Variants in AFP observed in about 807,000 individuals in gnomAD.
AFP encodes the protein alpha fetoprotein.
A neutral mutation model predicts 78.9 loss-of-function variants in AFP; 64 were observed. The observed-to-expected ratio is 0.81, with a 90% CI of 0.66 to 1.00. AFP has a LOEUF of 1.00. Ranked by LOEUF, AFP falls within the 50% of genes least tolerant of loss-of-function variation. AFP has a pLI of 0.00. For synonymous variants in AFP, 254 were observed against 243.8 expected (o/e 1.04, Z -0.39); for missense variants, 689 against 703.8 (o/e 0.98, Z 0.24).
intron 8 of AFP, among the ~76,000 whole-genome samples, chr4:73,449,001 A>C (rs1331490755): frequency 6.6e-6 from 1 of 152,138 alleles, no homozygotes; most frequent in Admixed American, 6.5e-5. Flanking sequence ...TTTATCTTAG[A>C]CATCATTGAG....
At chr4:73,445,192 G>A (rs1056035614) in intron 7 of AFP, 70 bp downstream of exon 7, 1 of 1,588,030 alleles carries the variant, frequency 6.3e-7, no homozygotes, top group Non-Finnish European at 8.6e-7. Context: ...CATTCTAAAA[G>A]GGAGAAGGTT....
In AFP at chr4:73,438,256, A is replaced by G. The variant is rs756096253; in HGVS notation, c.220A>G (p.Ile74Val). The change falls in exon 3 of 15, where the codon ATT becomes GTT. Residue 74 changes from isoleucine to valine, a missense_variant. By Grantham distance (29) the Ile-to-Val change is conservative. Transcript: ENST00000395792. ...AATGGTGAAAGATGCATTGACTGCA[A>G]TTGAGAAACCCACTGGAGATGAACA... is the stretch of plus-strand genomic sequence containing the variant. ...SKMVKDALTA[I>V]EKPTGDEQSS... 4 of 1,613,470 alleles carry G rather than the reference A, an allele frequency of 2.5e-6. No homozygotes were observed. The highest frequency in any genetic ancestry group is 2.2e-5 in the South Asian group (2 of 91,052).
At chr4:73,453,707 A>G (rs1420603540) in intron 12 of AFP, 58 bp from the exon 13 acceptor site, 2 of 1,593,978 alleles carry the variant, frequency 1.3e-6, no homozygotes, top group Non-Finnish European at 1.7e-6. Context: ...GGAAGGCTGT[A>G]GAAAAATAGC....
intron 5 of AFP, among the ~76,000 whole-genome samples, chr4:73,442,866 G>A (rs944322818): frequency 7.9e-5 from 12 of 152,120 alleles, no homozygotes; most frequent in Non-Finnish European, 1.8e-4. Flanking sequence ...AACTAGGAAA[G>A]AGGTTTAGAG....
Position 73,450,736 on chromosome 4 carries a change from G to T in AFP, c.1411G>T (p.Ala471Ser). 6.2e-7 allele frequency: 1 copy of T among 1,614,156 alleles called. No individual in the cohort carries two copies. ...CCAACTCAGTGAGGACAAACTATTG[G>T]CCTGTGGCGAGGGAGCGGTGAGTGT... ...CCQLSEDKLL[A>S]CGEGAADIII... Residue 471 changes from alanine (A) to serine (S), a missense_variant, in exon 11 of 15, where the codon GCC becomes TCC. Coordinates refer to ENST00000395792, the MANE Select transcript of AFP (RefSeq NM_001134.3).
chr4:73,442,053 A>G (rs1229294688), intron 4 of AFP, among the ~76,000 whole-genome samples: 1 of 152,180 alleles, frequency 6.6e-6, no homozygotes, highest in African/African-American at 2.4e-5. Flanking sequence ...TTTTCTTCTC[A>G]TAATAGAATC....
chr4:73,442,424 C>T lies in AFP; in HGVS notation c.611C>T (p.Thr204Ile). Residue 204 changes from threonine to isoleucine, a missense_variant, in exon 5 of 15, where the codon ACA (threonine) becomes ATA (isoleucine). Coordinates refer to ENST00000395792, the MANE Select transcript of AFP (RefSeq NM_001134.3). ...KAENAVECFQ[T>I]KAATVTKELR... Reference sequence around the variant, plus strand: ...GAAAATGCAGTTGAATGCTTCCAAACAAAGGTATCATATTTGCGTGGATAT... The same window carrying T: ...GAAAATGCAGTTGAATGCTTCCAAATAAAGGTATCATATTTGCGTGGATAT... The T allele has an allele frequency of 6.2e-7, 1 of 1,613,998 alleles. No homozygotes were observed. Among genetic ancestry groups the T allele is most frequent in the African/African-American group, 1.3e-5 (1 of 75,028 alleles).
chr4:73,443,697 C>T (rs1422815598), intron 6 of AFP, among the ~76,000 whole-genome samples: 3 of 152,130 alleles, frequency 2.0e-5, no homozygotes, highest in Admixed American at 6.5e-5. Context: ...ATGTTATTTA[C>T]CTGTTCTTTA....
At chr4:73,439,874 T>C (rs537777614) in intron 3 of AFP, among the ~76,000 whole-genome samples, 3 of 152,264 alleles carry the variant, frequency 2.0e-5, no homozygotes, top group African/African-American at 7.2e-5. Context: ...TTTATTGTCT[T>C]GTAAGGATGG....
chr4:73,441,562 C>T (rs1426929910), intron 4 of AFP, among the ~76,000 whole-genome samples: 2 of 59,590 alleles, frequency 3.4e-5, no homozygotes, highest in Admixed American at 2.7e-4. Flanking sequence ...AGCGAGACTC[C>T]GTCTCAAAAA....
chr4:73,441,522 T>G (rs912717358), intron 4 of AFP, among the ~76,000 whole-genome samples: 1 of 134,070 alleles, frequency 7.5e-6, no homozygotes, highest in East Asian at 2.2e-4. Flanking sequence ...GAGCCGAGAT[T>G]GCGCCACTGC....
chr4:73,441,421 A>G (rs1472757757), intron 4 of AFP, among the ~76,000 whole-genome samples: 1 of 151,476 alleles, frequency 6.6e-6, no homozygotes, highest in Non-Finnish European at 1.5e-5. Flanking sequence ...AAAAAAAATT[A>G]GCCGGGCGTG....
intron 10 of AFP, 168 bp from the exon 11 acceptor site, chr4:73,450,441 AGTGGTT>A (rs537662989): frequency 4.9e-5 from 40 of 814,902 alleles, no homozygotes; most frequent in South Asian, 6.7e-5. Context: ...GAGTACAGGG[AGTGGTT>A]GTTAGAGTAA....
intron 1 of AFP, among the ~76,000 whole-genome samples, 179 bp from the exon 2 acceptor site, chr4:73,436,981 T>G (rs1719527795): frequency 6.6e-6 from 1 of 151,970 alleles, no homozygotes; most frequent in Non-Finnish European, 1.5e-5. Flanking sequence ...ACTTCATTCC[T>G]TAGTTTCCTA....
rs182846340 is a variant in AFP at position 73,438,927 on chromosome 4, G to A, written c.270+621G>A. ...GGAAGCTGAGGCTCAGAGAATTTAAGTAACTTTCTTATGGGAACCACCAAA... is the reference window on the plus strand; with the variant it reads ...GGAAGCTGAGGCTCAGAGAATTTAAATAACTTTCTTATGGGAACCACCAAA... On this transcript the variant is annotated intron_variant, in intron 3 of 14. Coordinates refer to ENST00000395792, the MANE Select transcript of AFP (RefSeq NM_001134.3). Among the ~76,000 whole-genome samples, 52 of 152,172 alleles carry A rather than the reference G, an allele frequency of 3.4e-4. 1 individual carries two copies. In the South Asian group the frequency reaches 8.1e-3, roughly 24 times the overall value.
Position 73,440,688 on chromosome 4 carries a change from G to T in AFP, c.357G>T (p.Glu119Asp), listed in dbSNP as rs143015198. ...CAGACTGCTGCAGCCAAAGTGAAGA[G>T]GGAAGACATAACTGTTTTCTTGCAC... ...GHSDCCSQSEEGRHNCFLAHK... is the reference protein window; with the variant it reads ...GHSDCCSQSEDGRHNCFLAHK... Residue 119 changes from glutamate (E) to aspartate (D), a missense_variant, in exon 4 of 15, where the codon GAG (glutamate) becomes GAT (aspartate). Transcript: ENST00000395792. 8 of 1,614,034 alleles carry T rather than the reference G, an allele frequency of 5.0e-6. No individual in the cohort carries two copies. In the Admixed American group the frequency reaches 1.2e-4, roughly 24 times the overall value.
intron 6 of AFP, 64 bp from the exon 7 acceptor site, chr4:73,444,929 T>A (rs1276458241): frequency 2.1e-6 from 3 of 1,416,554 alleles, no homozygotes; most frequent in African/African-American, 1.4e-5. Context: ...TAATACTCTA[T>A]AAATTCTATT....
intron 9 of AFP, 80 bp from the exon 10 acceptor site, chr4:73,449,956 T>C (rs1719937517): frequency 3.4e-6 from 3 of 878,554 alleles, no homozygotes; most frequent in Admixed American, 2.2e-5. Flanking sequence ...TATAATAGTA[T>C]ATAATATTGA....
At chr4:73,441,103 C>A (rs900198211) in intron 4 of AFP, among the ~76,000 whole-genome samples, 1 of 151,876 alleles carries the variant, frequency 6.6e-6, no homozygotes, top group Non-Finnish European at 1.5e-5. Context: ...ATTCTACTCT[C>A]AATTTTACCT....
Sources: gnomAD v4.1 joint callset for allele counts (sites outside exome capture counted in the v4.1 genomes callset) on GRCh38, gnomAD v4.1.1 for gene constraint, MANE v1.5 for transcripts, NCBI Gene and HGNC (gene_info 2026-07-23, HGNC 2026-07-21) for gene names.